Variants in PRKCH observed in about 807,000 individuals in gnomAD.
The protein encoded by PRKCH is protein kinase C eta type.
In PRKCH, 28 loss-of-function variants were observed where a neutral mutation model predicts 82.5. The ratio of observed to expected loss-of-function variants is 0.34; its 90% CI spans 0.25 to 0.47. The LOEUF is 0.47. PRKCH is among the 20% of genes least tolerant of loss of function. The pLI, the probability that PRKCH is intolerant of heterozygous loss-of-function variation, is 1.00. For synonymous variants in PRKCH, 322 were observed against 327.4 expected (o/e 0.98, Z 0.18); for missense variants, 705 against 881.8 (o/e 0.80, Z 2.54).
intron 2 of PRKCH, among the ~76,000 whole-genome samples, chr14:61,402,669 C>T (rs1479720123): frequency 3.3e-5 from 5 of 151,784 alleles, no homozygotes; most frequent in South Asian, 2.1e-4. Context: ...TGTGGTGGTG[C>T]GTGCCTGTAA....
chr14:61,280,662 G>C lies in PRKCH; in HGVS notation c.-19+92994G>C, dbSNP rs2045251593. ...TGAAGAGGCTGTTGGCGATGGCGCC[G>C]CAGGGCGCGATGGGCAGGCCGGCCG... is the stretch of plus-strand genomic sequence containing the variant. On this transcript the variant is annotated intron_variant, in intron 1 of 3. Coordinates refer to the PRKCH transcript ENST00000555185. The surrounding 1 kb of genome is among the most constrained non-coding windows in gnomAD (Gnocchi z 5.0). The C allele has an allele frequency of 1.3e-6, 2 of 1,571,014 alleles. No homozygotes were observed. The highest frequency in any genetic ancestry group is 1.4e-5 in the African/African-American group (1 of 73,968).
At chr14:61,268,924 T>C (rs945217217) in intron 1 of PRKCH, among the ~76,000 whole-genome samples, 1 of 152,220 alleles carries the variant, frequency 6.6e-6, no homozygotes. Flanking sequence ...GTCAGTTTCA[T>C]ACAGTTCCTG....
At chr14:61,483,821 G>A (rs1403969240) in intron 9 of PRKCH, among the ~76,000 whole-genome samples, 1 of 152,182 alleles carries the variant, frequency 6.6e-6, no homozygotes, top group South Asian at 2.1e-4. Flanking sequence ...GTTGAGGTGG[G>A]AGTATTGCTT....
intron 1 of PRKCH, 182 bp downstream of exon 1, chr14:61,322,646 G>A (rs1389353817): frequency 5.0e-6 from 4 of 799,852 alleles, no homozygotes; most frequent in Non-Finnish European, 7.6e-6. Flanking sequence ...GTGTGCAGGC[G>A]CAGGTGTGTC....
chr14:61,477,924 CT>C (rs1885800779), intron 9 of PRKCH, among the ~76,000 whole-genome samples: 1 of 152,152 alleles, frequency 6.6e-6, no homozygotes. Context: ...TTCCTGTCCA[CT>C]TGTGAGTGTG....
rs370840936 is a variant in PRKCH at position 61,487,714 on chromosome 14, T to G, written c.1433+2058T>G. ...ACAAGACCTAACTGAACACTTGGAC[T>G]GGGTGTGGTGACTCACACCTCTAAT... On this transcript the variant is annotated intron_variant, in intron 10 of 13. Transcript: ENST00000332981. 3.6e-4 allele frequency among the ~76,000 whole-genome samples: 54 copies of G among 151,886 alleles called. 1 individual carries two copies. In the East Asian group the frequency reaches 3.9e-3, roughly 11 times the overall value.
intron 10 of PRKCH, among the ~76,000 whole-genome samples, chr14:61,511,787 C>T (rs1887389875): frequency 1.3e-5 from 2 of 152,150 alleles, no homozygotes; most frequent in South Asian, 4.1e-4. Flanking sequence ...GAGATAGCAC[C>T]ACCTTTCTAG....
intron 1 of PRKCH, among the ~76,000 whole-genome samples, chr14:61,213,695 A>G (rs1037179692): frequency 6.6e-6 from 1 of 152,208 alleles, no homozygotes; most frequent in African/African-American, 2.4e-5. Context: ...CCTGAACCCC[A>G]ACTGTCTACA....
intron 2 of PRKCH, among the ~76,000 whole-genome samples, chr14:61,428,076 T>TAGATAGATAGATAGATAGATAGATAC (rs377250538): frequency 6.3e-5 from 8 of 126,206 alleles, no homozygotes; most frequent in Admixed American, 2.4e-4. Context: ...GATAGATAGA[T>TAGATAGATAGATAGATAGATAGATAC]ACACACACAC....
At chr14:61,326,120 T>A (rs1233219036) in intron 1 of PRKCH, among the ~76,000 whole-genome samples, 1 of 152,206 alleles carries the variant, frequency 6.6e-6, no homozygotes, top group Non-Finnish European at 1.5e-5. Context: ...AGAAATGAAA[T>A]CATTCATACA....
intron 1 of PRKCH, among the ~76,000 whole-genome samples, chr14:61,381,712 A>C (rs1438265395): frequency 6.6e-6 from 1 of 152,098 alleles, no homozygotes; most frequent in African/African-American, 2.4e-5. Flanking sequence ...GGCTGGTGCC[A>C]CTCCCAGTGG....
chr14:61,483,916 C>T (rs1448776458), intron 9 of PRKCH, among the ~76,000 whole-genome samples: 1 of 152,180 alleles, frequency 6.6e-6, no homozygotes, highest in Non-Finnish European at 1.5e-5. Context: ...TGGCGCACGC[C>T]TGTAGTCCCA....
At chr14:61,446,173 CAAAAAAA>C (rs34051551) in intron 4 of PRKCH, among the ~76,000 whole-genome samples, 22 of 79,702 alleles carry the variant, frequency 2.8e-4, no homozygotes, top group African/African-American at 9.4e-4. Context: ...GTTATGATTT[CAAAAAAA>C]AAAAAAAAAA....
upstream of PRKCH, among the ~76,000 whole-genome samples, chr14:61,316,703 G>T (rs1200498693): frequency 1.3e-5 from 2 of 152,186 alleles, no homozygotes; most frequent in Non-Finnish European, 2.9e-5. Flanking sequence ...CTTGTACTGT[G>T]TGCTGCTCCC....
At chr14:61,257,983 T>C (rs1472835985) in intron 1 of PRKCH, among the ~76,000 whole-genome samples, 1 of 151,902 alleles carries the variant, frequency 6.6e-6, no homozygotes, top group Non-Finnish European at 1.5e-5. Context: ...GATTTTTTTT[T>C]CTAAGTTGCT....
chr14:61,493,723 G>A (rs954927744), intron 10 of PRKCH, among the ~76,000 whole-genome samples: 1 of 151,952 alleles, frequency 6.6e-6, no homozygotes, highest in Non-Finnish European at 1.5e-5. Context: ...CGTGCGGGTG[G>A]GGGGCATGGC....
upstream of PRKCH, among the ~76,000 whole-genome samples, chr14:61,319,642 C>T (rs1265493969): frequency 1.3e-5 from 2 of 152,200 alleles, no homozygotes; most frequent in Non-Finnish European, 1.5e-5. Flanking sequence ...CAAAGTCCAA[C>T]AGGAGCAAAT....
intron 9 of PRKCH, among the ~76,000 whole-genome samples, chr14:61,471,796 T>C (rs556823154): frequency 2.0e-5 from 3 of 152,224 alleles, no homozygotes; most frequent in East Asian, 1.9e-4. Context: ...TCTCCAGTTA[T>C]AACAACCAAA....
At chr14:61,370,477 G>T (rs1266765280) in intron 1 of PRKCH, among the ~76,000 whole-genome samples, 1 of 151,982 alleles carries the variant, frequency 6.6e-6, no homozygotes, top group Non-Finnish European at 1.5e-5. Flanking sequence ...ACCCACGAGA[G>T]GTGGGAGAGG....
Sources: gnomAD v4.1 joint callset for allele counts (sites outside exome capture counted in the v4.1 genomes callset) on GRCh38, gnomAD v4.1.1 for gene constraint, Gnocchi (gnomAD v3.1) non-coding constraint, MANE v1.5 for transcripts, NCBI Gene and HGNC (gene_info 2026-07-23, HGNC 2026-07-21) for gene names.